The following RASA2 variants were observed in gnomAD, a reference collection of about 807,000 sequenced individuals.
RASA2 encodes the protein ras GTPase-activating protein 2.
A neutral mutation model predicts 118.2 loss-of-function variants in RASA2; 155 were observed. That is an observed-to-expected ratio of 1.31 (90% confidence interval 1.15 to 1.50). The LOEUF is 1.50. Among genes scored for constraint, RASA2 ranks in the 40% most tolerant of loss-of-function variants. The probability of loss-of-function intolerance (pLI) is 0.00; values close to 1 mark genes in which losing one functional copy is unlikely to be tolerated. For missense variants in RASA2, 1,016 were observed against 1,009.6 expected, an observed-to-expected ratio of 1.01 and a Z score of -0.09; for synonymous variants, 353 against 349.1, an observed-to-expected ratio of 1.01 and a Z score of -0.12.
chr3:141,566,122 A>G (rs2082816635), intron 9 of RASA2, among the ~76,000 whole-genome samples: 1 of 152,234 alleles, frequency 6.6e-6, no homozygotes, highest in Admixed American at 6.5e-5. Flanking sequence ...TAAAACTACT[A>G]TTTCTTTTAT....
At chr3:141,531,864 A>C (rs1300865171) in intron 4 of RASA2, among the ~76,000 whole-genome samples, 1 of 152,068 alleles carries the variant, frequency 6.6e-6, no homozygotes, top group African/African-American at 2.4e-5. Context: ...GGAATACTAA[A>C]TTATGAGTCT....
chr3:141,548,108 G>A (rs545118415), intron 5 of RASA2, among the ~76,000 whole-genome samples: 15 of 152,176 alleles, frequency 9.9e-5, no homozygotes, highest in African/African-American at 3.6e-4. Flanking sequence ...GAAGATTTTT[G>A]CATCAAGGTT....
chr3:141,603,924 T>G (rs543717065), intron 19 of RASA2, among the ~76,000 whole-genome samples: 76 of 152,250 alleles, frequency 5.0e-4, no homozygotes, highest in Admixed American at 3.9e-3. Flanking sequence ...GTACTTTATT[T>G]TCATGGCTGA....
intron 1 of RASA2, among the ~76,000 whole-genome samples, chr3:141,500,368 A>G (rs1188703750): frequency 1.3e-5 from 2 of 152,202 alleles, no homozygotes; most frequent in African/African-American, 4.8e-5. Flanking sequence ...AGATAAATCA[A>G]TGGGAGTGTT....
Position 141,589,128 on chromosome 3 carries a change from C to T in RASA2, c.1933+2376C>T, listed in dbSNP as rs529564874. 7.2e-5 allele frequency among the ~76,000 whole-genome samples: 11 copies of T among 152,246 alleles called. No individual in the cohort carries two copies. In the South Asian group the frequency reaches 1.5e-3, roughly 20 times the overall value. Reference sequence around the variant, plus strand: ...TGCTGAGATTACAGGCATGAGCCAGCGCGCCCGGCCCAGATAGCATTTTTT... The same window carrying T: ...TGCTGAGATTACAGGCATGAGCCAGTGCGCCCGGCCCAGATAGCATTTTTT... On this transcript the variant is annotated intron_variant, in intron 19 of 23. Coordinates refer to ENST00000286364, the MANE Select transcript of RASA2 (RefSeq NM_006506.5).
chr3:141,487,431 G>A (rs1054349913), intron 1 of RASA2, among the ~76,000 whole-genome samples: 1 of 151,910 alleles, frequency 6.6e-6, no homozygotes, highest in Non-Finnish European at 1.5e-5. Context: ...CTCTCCGGAG[G>A]GAGTGGGAGC....
chr3:141,556,854 CA>C (rs1212177311), intron 7 of RASA2, among the ~76,000 whole-genome samples: 1 of 148,792 alleles, frequency 6.7e-6, no homozygotes, highest in Non-Finnish European at 1.5e-5. Flanking sequence ...AAGAAAATGC[CA>C]AAAGTGAAGC....
At chr3:141,568,069 T>A (rs1301675421) in intron 9 of RASA2, among the ~76,000 whole-genome samples, 2 of 152,218 alleles carry the variant, frequency 1.3e-5, no homozygotes, top group Non-Finnish European at 2.9e-5. Context: ...CAATTATTTT[T>A]AAGTTACTTA....
intron 19 of RASA2, among the ~76,000 whole-genome samples, chr3:141,606,084 C>T (rs958969001): frequency 1.3e-5 from 2 of 152,128 alleles, no homozygotes; most frequent in Non-Finnish European, 2.9e-5. Flanking sequence ...TGCAACTCAC[C>T]GATTAATCAT....
chr3:141,540,392 C>T (rs918599045), intron 4 of RASA2, 141 bp from the exon 5 acceptor site: 41 of 495,990 alleles, frequency 8.3e-5, no homozygotes, highest in Non-Finnish European at 9.4e-5. Context: ...GGTTATTATT[C>T]ATTTAACAAG....
chr3:141,566,884 C>T (rs1010091302), intron 9 of RASA2, among the ~76,000 whole-genome samples: 2 of 152,150 alleles, frequency 1.3e-5, no homozygotes, highest in Non-Finnish European at 2.9e-5. Flanking sequence ...ACTCTCTAGT[C>T]AATATCCATG....
At position 141,612,309 on chromosome 3, in the gene RASA2, C is replaced by T. The variant is rs140787611; in HGVS notation, c.2546C>T (p.Ser849Phe). Residue 849 changes from serine to phenylalanine, a missense_variant, in exon 24 of 24, where the codon TCT (serine) becomes TTT (phenylalanine). Coordinates refer to ENST00000286364, the MANE Select transcript of RASA2 (RefSeq NM_006506.5). ...SKENPIVGKAS is the reference protein window; with the variant it reads ...SKENPIVGKAF ...GAAAATCCAATTGTTGGGAAAGCAT[C>T]TTAGAGTTTAACAGATTGGTTCAGA... 4.4e-6 allele frequency: 7 copies of T among 1,588,644 alleles called. No homozygotes were observed. The Middle Eastern group carries it at 5.0e-4, about 113-fold the overall frequency.
chr3:141,517,580 C>T (rs976224355), intron 3 of RASA2, among the ~76,000 whole-genome samples: 29 of 152,182 alleles, frequency 1.9e-4, no homozygotes, highest in African/African-American at 6.8e-4. Context: ...GCCCCTCCTC[C>T]AACAGTGGGA....
At chr3:141,509,045 C>T (rs2081911261) in intron 1 of RASA2, among the ~76,000 whole-genome samples, 1 of 152,088 alleles carries the variant, frequency 6.6e-6, no homozygotes, top group African/African-American at 2.4e-5. Flanking sequence ...CCATTACTTC[C>T]TTTTTGATTA....
chr3:141,559,909 C>T lies in RASA2; in HGVS notation c.777C>T (p.Asn259=), dbSNP rs1488278881. 1.2e-6 allele frequency: 2 copies of T among 1,613,024 alleles called. No homozygotes were observed. The highest frequency in any genetic ancestry group is 1.3e-5 in the African/African-American group (1 of 75,002). The change falls in exon 9 of 24, where the codon AAC becomes AAT. Residue 259 remains asparagine (N), a synonymous_variant. Coordinates refer to ENST00000286364, the MANE Select transcript of RASA2 (RefSeq NM_006506.5). ...CAATTTTCAGGATCGACTTGTGGAA[C>T]AATGGAAACCTAGTCCAAGATGTTT... is the stretch of plus-strand genomic sequence containing the variant. ...EKLEIRIDLW[N]NGNLVQDVFL... is the part of the protein sequence containing the mutation.
chr3:141,607,154 A>G (rs536141264), intron 19 of RASA2, among the ~76,000 whole-genome samples: 1 of 152,178 alleles, frequency 6.6e-6, no homozygotes, highest in Non-Finnish European at 1.5e-5. Flanking sequence ...GCTTTTGATC[A>G]GGTGGCTGAT....
At chr3:141,526,496 G>T (rs558610422) in intron 3 of RASA2, among the ~76,000 whole-genome samples, 1 of 151,058 alleles carries the variant, frequency 6.6e-6, no homozygotes, top group Non-Finnish European at 1.5e-5. Context: ...TATTCCCTTG[G>T]GCTGATGATG....
At chr3:141,491,082 TC>T (rs1191672686) in intron 1 of RASA2, among the ~76,000 whole-genome samples, 5 of 152,364 alleles carry the variant, frequency 3.3e-5, no homozygotes, top group African/African-American at 1.2e-4. Context: ...CCTATATTCT[TC>T]TTTAAACGTT....
chr3:141,509,446 A>G (rs868456433), intron 1 of RASA2, among the ~76,000 whole-genome samples: 2 of 152,266 alleles, frequency 1.3e-5, no homozygotes, highest in African/African-American at 4.8e-5. Flanking sequence ...TGAAACAGAA[A>G]CATGTTCAGG....
Sources: allele counts gnomAD v4.1 joint callset (sites outside exome capture counted in the v4.1 genomes callset), GRCh38; gene constraint gnomAD v4.1.1; transcripts MANE v1.5; gene names NCBI Gene and HGNC (gene_info 2026-07-23, HGNC 2026-07-21).